TICRR: variants seen among roughly 807,000 people sequenced by gnomAD.
The protein encoded by TICRR is TOPBP1 interacting checkpoint and replication regulator.
TICRR carries 132 observed loss-of-function variants against 178.1 expected under a neutral mutation model. The observed-to-expected ratio is 0.74, with a 90% CI of 0.64 to 0.86. TICRR has a LOEUF of 0.86. Ranked by LOEUF, TICRR falls within the 40% of genes least tolerant of loss-of-function variation. The pLI is 0.00. For synonymous variants in TICRR, 991 were observed against 900.7 expected (o/e 1.10, Z -1.79); for missense variants, 2,587 against 2,334.3 (o/e 1.11, Z -2.23).
At position 89,601,372 on chromosome 15, in the gene TICRR, T is replaced by G. The variant is rs747362244; in HGVS notation, c.2228T>G (p.Met743Arg). ...CPSINESTDD[M>R]EQVVEEVTDL... ...TCAATAAATGAAAGTACAGATGATA[T>G]GGAACAAGTAGTGGAGGAGGCAAGT... Residue 743 changes from methionine (M) to arginine (R), a missense_variant, in exon 10 of 22, where the codon ATG (methionine) becomes AGG (arginine). Met to Arg is a moderately conservative substitution (Grantham distance 91). Transcript: ENST00000268138. 2 of 1,614,176 alleles carry G rather than the reference T, an allele frequency of 1.2e-6. No homozygotes were observed. Among genetic ancestry groups the G allele is most frequent in the South Asian group, 2.2e-5 (2 of 91,082 alleles).
chr15:89,583,895 C>T (rs550308806), intron 2 of TICRR, among the ~76,000 whole-genome samples: 1 of 152,120 alleles, frequency 6.6e-6, no homozygotes, highest in African/African-American at 2.4e-5. Flanking sequence ...CCTTGATGCC[C>T]AGGCTGGTCT....
intron 2 of TICRR, among the ~76,000 whole-genome samples, chr15:89,583,728 T>A (rs962729185): frequency 6.6e-6 from 1 of 152,008 alleles, no homozygotes; most frequent in African/African-American, 2.4e-5. Flanking sequence ...CAGGCTGGAG[T>A]GCAGTGGTAC....
intron 2 of TICRR, among the ~76,000 whole-genome samples, chr15:89,583,832 A>G (rs977409737): frequency 5.8e-5 from 8 of 138,290 alleles, no homozygotes; most frequent in Admixed American, 2.9e-4. Context: ...GACTAAAGGC[A>G]TGAGCCACCA....
chr15:89,591,886 G>A (rs1284278812), intron 4 of TICRR, 161 bp from the exon 5 acceptor site: 4 of 514,648 alleles, frequency 7.8e-6, no homozygotes, highest in Non-Finnish European at 1.4e-5. Context: ...TACCACATAG[G>A]CCTGTAGCAG....
At chr15:89,606,692 T>G in intron 13 of TICRR, 76 bp from the exon 14 acceptor site, 1 of 1,172,198 alleles carries the variant, frequency 8.5e-7, no homozygotes, top group Non-Finnish European at 1.3e-6. Flanking sequence ...AGTCAAAGAG[T>G]TCATGTGAAA....
At chr15:89,625,865 C>T in intron 20 of TICRR, 71 bp from the exon 21 acceptor site, 1 of 1,544,018 alleles carries the variant, frequency 6.5e-7, no homozygotes, top group African/African-American at 1.4e-5. Context: ...TTGGGAGTTG[C>T]TTCTTGGGAG....
At chr15:89,601,462 A>G (rs757850106) in intron 10 of TICRR, 27 bp from the exon 11 acceptor site, 7 of 1,613,518 alleles carry the variant, frequency 4.3e-6, no homozygotes, top group African/African-American at 2.7e-5. Flanking sequence ...GGGCATCTAT[A>G]TAGTAACGTT....
In TICRR at chr15:89,624,688, G is replaced by A. The variant is rs563671931; in HGVS notation, c.4378G>A (p.Asp1460Asn). 6 of 1,613,974 alleles carry A rather than the reference G, an allele frequency of 3.7e-6. No individual in the cohort carries two copies. The highest frequency in any genetic ancestry group is 5.1e-6 in the Non-Finnish European group (6 of 1,180,046). Residue 1460 changes from aspartate (D) to asparagine (N), a missense_variant, in exon 20 of 22, where the codon GAC becomes AAC. By Grantham distance (23) the Asp-to-Asn change is conservative. Coordinates refer to ENST00000268138, the MANE Select transcript of TICRR (RefSeq NM_152259.4). ...HASSPLLITS[D>N]TEHVTLLSEA... ...ATCCTCTCCTCTGCTCATTACAAGTGACACAGAGCATGTCACTCTCCTCAG... is the reference window on the plus strand; with the variant it reads ...ATCCTCTCCTCTGCTCATTACAAGTAACACAGAGCATGTCACTCTCCTCAG...
Position 89,625,687 on chromosome 15 carries a change from C to T in TICRR, c.5377C>T (p.Leu1793=), listed in dbSNP as rs1963509496. The part of the protein sequence containing the change: ...ADRGAKRICD[L]REDSEVSKSK... ...CCGTGGAGCCAAAAGGATCTGTGAC[C>T]TGAGAGAAGATTCAGAAGTTAGTAA... Residue 1793 remains leucine (L), a synonymous_variant, in exon 20 of 22, where the codon CTG becomes TTG. Coordinates refer to ENST00000268138, the MANE Select transcript of TICRR (RefSeq NM_152259.4). 1.9e-6 allele frequency: 3 copies of T among 1,613,708 alleles called. No individual in the cohort carries two copies. The highest frequency in any genetic ancestry group is 3.3e-5 in the Admixed American group (2 of 60,010).
chr15:89,609,111 T>C, intron 15 of TICRR, 162 bp downstream of exon 15: 2 of 510,160 alleles, frequency 3.9e-6, no homozygotes, highest in East Asian at 8.5e-5. Context: ...TTTTTTTTTT[T>C]TTTTTTTTTT....
At chr15:89,597,253 G>A (rs540102225) in intron 7 of TICRR, among the ~76,000 whole-genome samples, 2 of 152,174 alleles carry the variant, frequency 1.3e-5, no homozygotes, top group African/African-American at 4.8e-5. Context: ...GCCAGGTGCA[G>A]TGACTCATGC....
intron 13 of TICRR, among the ~76,000 whole-genome samples, chr15:89,604,515 T>C (rs1260931999): frequency 6.6e-6 from 1 of 152,212 alleles, no homozygotes; most frequent in Non-Finnish European, 1.5e-5. Context: ...GGTTCATGCC[T>C]ATAATGCCAG....
rs770486089 is a variant in TICRR at position 89,585,825 on chromosome 15, C to T, written c.1294C>T (p.His432Tyr). 1 of 1,614,160 alleles carries T rather than the reference C, an allele frequency of 6.2e-7. No homozygotes were observed. The highest frequency in any genetic ancestry group is 8.5e-7 in the Non-Finnish European group (1 of 1,180,030). Residue 432 changes from histidine (H) to tyrosine (Y), a missense_variant, in exon 4 of 22, where the codon CAT (histidine) becomes TAT (tyrosine). Coordinates refer to ENST00000268138, the MANE Select transcript of TICRR (RefSeq NM_152259.4). ...CACCAAGGAGGCTGAATTTCAACGA[C>T]ATGTTCTCCAAACAGCTGTGGCTGA... ...CRTKEAEFQR[H>Y]VLQTAVADSP...
intron 1 of TICRR, among the ~76,000 whole-genome samples, chr15:89,578,297 A>G (rs1298675876): frequency 6.6e-6 from 1 of 152,252 alleles, no homozygotes; most frequent in East Asian, 1.9e-4. Context: ...CATTTAAATA[A>G]TAATATGGTA....
At chr15:89,589,282 A>G (rs1004226796) in intron 4 of TICRR, among the ~76,000 whole-genome samples, 9 of 152,160 alleles carry the variant, frequency 5.9e-5, no homozygotes, top group Admixed American at 1.3e-4. Flanking sequence ...GATGGTTTCA[A>G]CGCAGCTAAT....
rs144168106 is a variant in TICRR at position 89,622,326 on chromosome 15, T to G, written c.3312+776T>G. 7.9e-3 allele frequency among the ~76,000 whole-genome samples: 1,208 copies of G among 152,178 alleles called. 17 individuals are homozygous for G. The highest frequency in any genetic ancestry group is 0.028 in the African/African-American group (1,147 of 41,512). ...GTACCCACCCCCTCTTCTCCCCTAC[T>G]GCAATTCCTACCCTAGTTCAGGTCT... is the stretch of plus-strand genomic sequence containing the variant. On this transcript the variant is annotated intron_variant, in intron 19 of 21. Coordinates refer to ENST00000268138, the MANE Select transcript of TICRR (RefSeq NM_152259.4).
chr15:89,593,174 CT>C (rs2141959488), intron 5 of TICRR, among the ~76,000 whole-genome samples: 1 of 152,190 alleles, frequency 6.6e-6, no homozygotes, highest in East Asian at 1.9e-4. Context: ...TGTTGAAACT[CT>C]AGGAGTGCAT....
chr15:89,595,498 C>T lies in TICRR; in HGVS notation c.1787C>T (p.Pro596Leu). The T allele has an allele frequency of 6.2e-7, 1 of 1,614,100 alleles. No homozygotes were observed. The highest frequency in any genetic ancestry group is 2.2e-5 in the East Asian group (1 of 44,870). ...RLNVKAQKLH[P>L]DGSPDVAGEK... ...AATGTGAAGGCCCAGAAGTTACATC[C>T]AGATGGCAGTCCGGATGTGGCTGGG... The change falls in exon 7 of 22, where the codon CCA becomes CTA. Residue 596 changes from proline (P) to leucine (L), a missense_variant. Physicochemically the swap from Pro to Leu is moderately conservative, Grantham distance 98 (BLOSUM62 -3). Coordinates refer to ENST00000268138, the MANE Select transcript of TICRR (RefSeq NM_152259.4).
At chr15:89,583,215 T>C (rs1298554077) in intron 2 of TICRR, among the ~76,000 whole-genome samples, 1 of 152,244 alleles carries the variant, frequency 6.6e-6, no homozygotes, top group African/African-American at 2.4e-5. Context: ...GTTTACCAGC[T>C]GTTCCCAAAG....
Sources: allele counts gnomAD v4.1 joint callset (sites outside exome capture counted in the v4.1 genomes callset), GRCh38; gene constraint gnomAD v4.1.1; transcripts MANE v1.5; gene names NCBI Gene and HGNC (gene_info 2026-07-23, HGNC 2026-07-21).